The following GLIS3 variants were observed in gnomAD, a reference collection of about 807,000 sequenced individuals.
GLIS3 encodes zinc finger protein GLIS3.
A neutral mutation model predicts 78.6 loss-of-function variants in GLIS3; 53 were observed. The ratio of observed to expected loss-of-function variants is 0.67; its 90% confidence interval spans 0.54 to 0.85. The LOEUF is 0.85. Among genes scored for constraint, GLIS3 ranks in the 40% least tolerant of loss-of-function variants. The pLI is 0.00. For missense variants in GLIS3, 1,703 were observed against 1,231.1 expected (o/e 1.38, Z -5.74); for synonymous variants, 684 against 509.9 (o/e 1.34, Z -4.60).
chr9:4,312,025 C>A (rs7870620), intron 2 of GLIS3, among the ~76,000 whole-genome samples: 18,432 of 152,192 alleles, frequency 0.12, 1,139 homozygotes, highest in South Asian at 0.16. Flanking sequence ...AGAAAAATAA[C>A]TACTGGGTAC....
chr9:4,368,439 G>A, the GLIS3 span, among the ~76,000 whole-genome samples: 2 of 151,882 alleles, frequency 1.3e-5, no homozygotes, highest in Non-Finnish European at 2.9e-5. Flanking sequence ...CCGCTTCCCG[G>A]GTTCACGCCC....
chr9:4,478,944 T>C, the GLIS3 span, among the ~76,000 whole-genome samples: 1 of 152,196 alleles, frequency 6.6e-6, no homozygotes, highest in African/African-American at 2.4e-5. Flanking sequence ...ACTACCAACT[T>C]ATAGGAAATA....
At chr9:4,162,035 G>C (rs998944808) in intron 2 of GLIS3, among the ~76,000 whole-genome samples, 1 of 152,046 alleles carries the variant, frequency 6.6e-6, no homozygotes, top group Non-Finnish European at 1.5e-5. Context: ...GGCTCTCTCT[G>C]TAGCCTCTAG....
the GLIS3 span, among the ~76,000 whole-genome samples, chr9:4,472,412 G>A: frequency 6.6e-6 from 1 of 152,288 alleles, no homozygotes; most frequent in East Asian, 1.9e-4. Context: ...ATACATCATG[G>A]AATACTATGC....
chr9:4,263,866 C>G lies in GLIS3; in HGVS notation c.388+22172G>C, dbSNP rs185197352. ...TTGCCTGCATCTTCTTAGTTTCTTC[C>G]TCTTTCTAGCCTCCAATGTTGATTT... On this transcript the variant is annotated intron_variant, in intron 2 of 10. Transcript: ENST00000381971. 5.3e-3 allele frequency among the ~76,000 whole-genome samples: 810 copies of G among 152,258 alleles called. 8 individuals carry two copies. Among genetic ancestry groups the G allele is most frequent in the Non-Finnish European group, 8.0e-3 (547 of 68,014 alleles).
intron 4 of GLIS3, among the ~76,000 whole-genome samples, chr9:4,006,632 C>T (rs576260269): frequency 9.8e-5 from 15 of 152,294 alleles, no homozygotes; most frequent in African/African-American, 3.6e-4. Context: ...GCACTGTCAT[C>T]TCCATGCACT....
intron 9 of GLIS3, among the ~76,000 whole-genome samples, chr9:3,842,901 T>C (rs1411583923): frequency 6.6e-6 from 1 of 152,192 alleles, no homozygotes; most frequent in Non-Finnish European, 1.5e-5. Flanking sequence ...TCTCTTCCCC[T>C]TGGGCAGGCT....
At chr9:3,851,033 T>C (rs934469175) in intron 9 of GLIS3, among the ~76,000 whole-genome samples, 4 of 152,240 alleles carry the variant, frequency 2.6e-5, no homozygotes, top group Non-Finnish European at 4.4e-5. Context: ...CATGTTTGCA[T>C]TGCACATAGT....
intron 9 of GLIS3, among the ~76,000 whole-genome samples, chr9:3,839,848 A>G (rs1470099291): frequency 6.6e-6 from 1 of 152,232 alleles, no homozygotes; most frequent in South Asian, 2.1e-4. Flanking sequence ...GGAGAAAAGT[A>G]TTTAATTAAT....
intron 2 of GLIS3, among the ~76,000 whole-genome samples, chr9:4,281,396 C>T (rs185763920): frequency 6.6e-6 from 1 of 152,146 alleles, no homozygotes. Context: ...ACTTTTCCAT[C>T]CTCACCAACT....
rs576347804 is a variant in GLIS3, at chr9:4,313,728, C to T, written n.265-3200G>A. ...ATGCCCTTCCTGGACCAGTCTCCCA[C>T]CTTAAGATCAAGTTCCAATGCCACC... is the stretch of plus-strand genomic sequence containing the variant. On this transcript the variant is annotated intron_variant and non_coding_transcript_variant, in intron 2 of 4. Coordinates refer to the GLIS3 transcript ENST00000471664. Among the ~76,000 whole-genome samples the T allele has an allele frequency of 2.1e-4, 32 of 152,326 alleles. No individual in the cohort carries two copies. The South Asian group carries it at 6.4e-3, about 31-fold the overall frequency.
chr9:4,052,627 T>C (rs1825822585), intron 4 of GLIS3, among the ~76,000 whole-genome samples: 1 of 152,184 alleles, frequency 6.6e-6, no homozygotes, highest in Non-Finnish European at 1.5e-5. Context: ...CTTAGTACAA[T>C]GTTTTCAAGG....
At chr9:4,417,800 A>G in the GLIS3 span, among the ~76,000 whole-genome samples, 1 of 152,246 alleles carries the variant, frequency 6.6e-6, no homozygotes, top group Non-Finnish European at 1.5e-5. Flanking sequence ...CCTATCTGAT[A>G]ACAAGCCCAG....
At chr9:4,364,776 TTTTA>T in the GLIS3 span, among the ~76,000 whole-genome samples, 6 of 134,094 alleles carry the variant, frequency 4.5e-5, no homozygotes, top group African/African-American at 1.9e-4. Flanking sequence ...TTTTTTTTTT[TTTTA>T]AAGAGACAGG....
chr9:4,310,885 C>A (rs1305176127), intron 2 of GLIS3, among the ~76,000 whole-genome samples: 1 of 152,188 alleles, frequency 6.6e-6, no homozygotes, highest in Non-Finnish European at 1.5e-5. Flanking sequence ...CATTTTAGGG[C>A]ATCTAAATCA....
intron 3 of GLIS3, among the ~76,000 whole-genome samples, chr9:4,120,045 G>A (rs1322728755): frequency 6.6e-6 from 1 of 152,130 alleles, no homozygotes; most frequent in African/African-American, 2.4e-5. Flanking sequence ...ACTTTCTACT[G>A]AAGTCTTTTT....
chr9:4,028,907 T>C (rs564655155), intron 4 of GLIS3, among the ~76,000 whole-genome samples: 8 of 152,146 alleles, frequency 5.3e-5, no homozygotes, highest in Non-Finnish European at 1.2e-4. Flanking sequence ...CTCTTATTCC[T>C]TATGCAAACA....
At chr9:4,418,718 A>C in the GLIS3 span, among the ~76,000 whole-genome samples, 14 of 151,742 alleles carry the variant, frequency 9.2e-5, no homozygotes, top group East Asian at 2.3e-3. Context: ...ACAAAAAAAA[A>C]CATATTGGAG....
At chr9:4,324,969 T>A (rs1018744288) in intron 2 of GLIS3, among the ~76,000 whole-genome samples, 1 of 152,246 alleles carries the variant, frequency 6.6e-6, no homozygotes, top group African/African-American at 2.4e-5. Flanking sequence ...CTAGGTAATA[T>A]GTCAAATAGT....
Sources: allele counts gnomAD v4.1 joint callset (sites outside exome capture counted in the v4.1 genomes callset), GRCh38; gene constraint gnomAD v4.1.1; transcripts MANE v1.5; gene names NCBI Gene and HGNC (gene_info 2026-07-23, HGNC 2026-07-21).